Variants in RB1 observed in about 807,000 individuals in gnomAD.
RB1 encodes the protein RB transcriptional corepressor 1.
RB1 carries 18 observed loss-of-function variants against 135.4 expected under a neutral mutation model. That is an observed-to-expected ratio of 0.13 (90% CI 0.09 to 0.20). The LOEUF is 0.20. Among genes scored for constraint, RB1 ranks in the 10% least tolerant of loss-of-function variants. The pLI is 1.00. For missense variants in RB1, 868 were observed against 1,110.0 expected (o/e 0.78, Z 3.10); for synonymous variants, 365 against 373.2 (o/e 0.98, Z 0.25).
intron 17 of RB1, among the ~76,000 whole-genome samples, chr13:48,420,983 G>A (rs1432280443): frequency 6.6e-6 from 1 of 152,152 alleles, no homozygotes; most frequent in African/African-American, 2.4e-5. Flanking sequence ...TAGATTCAAT[G>A]CTATCCCTAT....
intron 17 of RB1, chr13:48,412,364 A>G: frequency 6.2e-7 from 1 of 1,614,018 alleles, no homozygotes; most frequent in Non-Finnish European, 8.5e-7. Flanking sequence ...ACATGCACCC[A>G]TACAAAGTGT....
chr13:48,433,933 A>G (rs922610299), intron 17 of RB1, among the ~76,000 whole-genome samples: 6 of 151,774 alleles, frequency 4.0e-5, no homozygotes, highest in African/African-American at 1.5e-4. Flanking sequence ...TATGTTGCCC[A>G]GGCTGGTCTT....
At chr13:48,371,338 G>C (rs1952756075) in intron 11 of RB1, among the ~76,000 whole-genome samples, 1 of 152,160 alleles carries the variant, frequency 6.6e-6, no homozygotes, top group Non-Finnish European at 1.5e-5. Flanking sequence ...TTAACCATGT[G>C]TGCAAATTAG....
chr13:48,357,569 T>G (rs1236054332), intron 6 of RB1, among the ~76,000 whole-genome samples: 2 of 152,096 alleles, frequency 1.3e-5, no homozygotes, highest in Non-Finnish European at 2.9e-5. Flanking sequence ...GATCAATTGC[T>G]AGTGGCTTCC....
At chr13:48,399,177 A>C (rs987506115) in intron 17 of RB1, among the ~76,000 whole-genome samples, 1 of 152,022 alleles carries the variant, frequency 6.6e-6, no homozygotes, top group Non-Finnish European at 1.5e-5. Flanking sequence ...TGAAATAGAC[A>C]TCTAGATTGT....
At chr13:48,307,230 A>G (rs760955001) in intron 1 of RB1, 50 bp from the exon 2 acceptor site, 1 of 1,494,634 alleles carries the variant, frequency 6.7e-7, no homozygotes. Context: ...GTACTGAATC[A>G]ATTTGATTTA....
At chr13:48,479,924 AAT>A (rs1949527515) in intron 26 of RB1, 72 bp from the exon 27 acceptor site, 1 of 1,173,750 alleles carries the variant, frequency 8.5e-7, no homozygotes, top group Non-Finnish European at 1.3e-6. Context: ...ACATGAGCAT[AAT>A]ATATATGGCA....
In RB1 at chr13:48,359,534, ATATACT is replaced by A. The variant is rs1482815398; in HGVS notation, c.608-478_608-473del. Among the ~76,000 whole-genome samples, 6 of 147,836 alleles carry A rather than the reference ATATACT, an allele frequency of 4.1e-5. No homozygotes were observed. The South Asian group carries it at 1.1e-3, about 26-fold the overall frequency. On this transcript the variant is annotated intron_variant, in intron 6 of 26. Transcript: ENST00000267163. ...TAAACTTAGTAATTTTATATAATAA[ATATACT>A]TATAAAAGTGGAATTAAAAATTTGA... is the stretch of plus-strand genomic sequence containing the variant.
chr13:48,359,426 C>T (rs146184194), intron 6 of RB1, among the ~76,000 whole-genome samples: 1 of 148,818 alleles, frequency 6.7e-6, no homozygotes, highest in Admixed American at 6.7e-5. Context: ...GGAATAAAAT[C>T]ATAATTTTAT....
At chr13:48,394,443 C>G (rs1948632778) in intron 17 of RB1, among the ~76,000 whole-genome samples, 1 of 152,194 alleles carries the variant, frequency 6.6e-6, no homozygotes, top group African/African-American at 2.4e-5. Flanking sequence ...GCCAGGGAGC[C>G]AAGTGGTCTA....
chr13:48,379,533 A>AT (rs397691003), intron 13 of RB1, 61 bp from the exon 14 acceptor site: 18 of 1,561,414 alleles, frequency 1.2e-5, no homozygotes, highest in Admixed American at 3.7e-5. Context: ...AAAAAAAAAA[A>AT]TTTCATAATT....
chr13:48,405,170 C>T (rs1198682811), intron 17 of RB1, among the ~76,000 whole-genome samples: 4 of 152,000 alleles, frequency 2.6e-5, no homozygotes, highest in Admixed American at 1.3e-4. Flanking sequence ...TGCAACAAGC[C>T]CAGAAAATGT....
chr13:48,371,805 G>A (rs951501625), intron 11 of RB1, among the ~76,000 whole-genome samples: 12 of 152,188 alleles, frequency 7.9e-5, no homozygotes, highest in East Asian at 3.9e-4. Flanking sequence ...CCCAATTCCC[G>A]GGCCAGAGAC....
intron 2 of RB1, chr13:48,318,413 C>G: frequency 6.7e-7 from 1 of 1,499,022 alleles, no homozygotes; most frequent in East Asian, 2.3e-5. Context: ...TGTCCAGGTC[C>G]TCGTCACTGT....
chr13:48,374,469 G>A (rs1020448054), intron 12 of RB1, among the ~76,000 whole-genome samples: 1 of 152,136 alleles, frequency 6.6e-6, no homozygotes, highest in Non-Finnish European at 1.5e-5. Context: ...CTGTGATTTT[G>A]TCATAATCTG....
chr13:48,345,157 A>C lies in RB1; in HGVS notation c.458A>C (p.Lys153Thr). 3 of 1,612,976 alleles carry C rather than the reference A, an allele frequency of 1.9e-6. No individual in the cohort carries two copies. The highest frequency in any genetic ancestry group is 2.5e-6 in the Non-Finnish European group (3 of 1,179,570). ...KVDNAMSRLL[K>T]KYDVLFALFS... ...GATAATGCTATGTCAAGACTGTTGAAGAAGTATGATGTATTGTTTGCACTC... is the reference window on the plus strand; with the variant it reads ...GATAATGCTATGTCAAGACTGTTGACGAAGTATGATGTATTGTTTGCACTC... The change falls in exon 4 of 27, where the codon AAG (lysine) becomes ACG (threonine). Residue 153 changes from lysine (K) to threonine (T), a missense_variant. Around this residue, in one of 3 missense-constraint regions of RB1, gnomAD observed 641 missense variants for 791.3 expected, o/e 0.81. Coordinates refer to ENST00000267163, the MANE Select transcript of RB1 (RefSeq NM_000321.3).
chr13:48,354,465 T>C (rs1316061752), intron 6 of RB1, among the ~76,000 whole-genome samples: 1 of 151,928 alleles, frequency 6.6e-6, no homozygotes, highest in South Asian at 2.1e-4. Context: ...TTTTATGTTG[T>C]TCATGGATTG....
chr13:48,377,093 C>G, intron 13 of RB1, 59 bp downstream of exon 13: 1 of 1,512,112 alleles, frequency 6.6e-7, no homozygotes, highest in Non-Finnish European at 9.2e-7. Context: ...AAAGCAGCAT[C>G]TTTCCAGTTC....
At chr13:48,330,571 T>C (rs1005906672) in intron 2 of RB1, among the ~76,000 whole-genome samples, 1 of 152,156 alleles carries the variant, frequency 6.6e-6, no homozygotes, top group Non-Finnish European at 1.5e-5. Context: ...AAGAGACAGA[T>C]TGTTTGCCAC....
Sources: allele counts gnomAD v4.1 joint callset (sites outside exome capture counted in the v4.1 genomes callset), GRCh38; gene constraint gnomAD v4.1.1; regional missense constraint gnomAD v4.1.1; transcripts MANE v1.5; gene names NCBI Gene and HGNC (gene_info 2026-07-23, HGNC 2026-07-21).